KIRREL3: variants seen among roughly 807,000 people sequenced by gnomAD.
KIRREL3 encodes kirre like nephrin family adhesion molecule 3.
A neutral mutation model predicts 89.7 loss-of-function variants in KIRREL3; 36 were observed. The observed-to-expected ratio is 0.40, with a 90% CI of 0.31 to 0.53. The LOEUF (loss-of-function observed/expected upper bound fraction) is 0.53, where lower values mean the gene tolerates loss of function less well. Among genes scored for constraint, KIRREL3 ranks in the 20% least tolerant of loss-of-function variants. The pLI, the probability that KIRREL3 is intolerant of heterozygous loss-of-function variation, is 0.49. For missense variants in KIRREL3, 864 were observed against 1,056.6 expected, an observed-to-expected ratio of 0.82 and a Z score of 2.53; for synonymous variants, 445 against 441.4, an observed-to-expected ratio of 1.01 and a Z score of -0.10.
Position 126,641,263 on chromosome 11 carries a change from C to A in KIRREL3, c.56-78351G>T, listed in dbSNP as rs1436842519. On this transcript the variant is annotated intron_variant, in intron 1 of 16. Coordinates refer to ENST00000525144, the MANE Select transcript of KIRREL3 (RefSeq NM_032531.4). The surrounding 1 kb of genome is among the most constrained non-coding windows in gnomAD (Gnocchi z 5.0). ...ATTATAAACCAACCACCTCTCACCA[C>A]TTCCTCTGCTACTTTCTTGGCCCGA... Among the ~76,000 whole-genome samples the A allele has an allele frequency of 6.6e-6, 1 of 152,166 alleles. No homozygotes were observed. The highest frequency in any genetic ancestry group is 6.5e-5 in the Admixed American group (1 of 15,278).
chr11:126,967,030 C>T (rs1949293090), intron 1 of KIRREL3, among the ~76,000 whole-genome samples: 1 of 152,150 alleles, frequency 6.6e-6, no homozygotes, highest in Non-Finnish European at 1.5e-5. Flanking sequence ...ATCTACCTGC[C>T]TTCTCTGTAA....
rs1327455913 is a variant in KIRREL3 at position 126,764,431 on chromosome 11, G to A, written c.56-201519C>T. On this transcript the variant is annotated intron_variant, in intron 1 of 16. Transcript: ENST00000525144. The surrounding 1 kb of genome is among the most constrained non-coding windows in gnomAD (Gnocchi z 4.2). ...TAGGTGGCAGTGTGGATTCAGGGCT[G>A]TGTGGTTCAAGATCAACTTCGCAGA... 6.6e-6 allele frequency among the ~76,000 whole-genome samples: 1 copy of A among 152,148 alleles called. No homozygotes were observed. The highest frequency in any genetic ancestry group is 1.5e-5 in the Non-Finnish European group (1 of 68,024).
chr11:126,456,039 G>GTTTTTTTGTTTTTTTT (rs1555111017), intron 7 of KIRREL3, among the ~76,000 whole-genome samples: 1 of 68,312 alleles, frequency 1.5e-5, no homozygotes. Flanking sequence ...TTTTGTTTTC[G>GTTTTTTTGTTTTTTTT]TTTTTTTTTT....
intron 1 of KIRREL3, among the ~76,000 whole-genome samples, chr11:126,815,803 G>A (rs1158984647): frequency 6.6e-6 from 1 of 152,104 alleles, no homozygotes; most frequent in Non-Finnish European, 1.5e-5. Flanking sequence ...CCAAAGTGCT[G>A]GGATTACAGG....
intron 1 of KIRREL3, among the ~76,000 whole-genome samples, chr11:126,986,799 C>A (rs562108435): frequency 6.6e-6 from 1 of 152,210 alleles, no homozygotes; most frequent in African/African-American, 2.4e-5. Context: ...GCAGCTCCCA[C>A]GAGTCACCTT....
rs1027661442 is a variant in KIRREL3 at position 126,441,041 on chromosome 11, G to A, written c.1253-492C>T. 6.6e-6 allele frequency among the ~76,000 whole-genome samples: 1 copy of A among 152,206 alleles called. No homozygotes were observed. Among genetic ancestry groups the A allele is most frequent in the African/African-American group, 2.4e-5 (1 of 41,448 alleles). On this transcript the variant is annotated intron_variant, in intron 10 of 16. Transcript: ENST00000525144. The surrounding 1 kb of genome is among the most constrained non-coding windows in gnomAD (Gnocchi z 5.0). ...CGCCCTTGCCTAACAAATGGGAGCT[G>A]CTCGGCCAGACGGGCCAACGGGAAG...
rs1280471711 is a variant in KIRREL3, at chr11:126,697,428, A to G, written c.56-134516T>C. ...GAGGGTAATAGTTCCCAGTTGCCAA[A>G]GCTTTTCCCACAGACCCTGACTCAG... On this transcript the variant is annotated intron_variant, in intron 1 of 16. Transcript: ENST00000525144. The surrounding 1 kb of genome is among the most constrained non-coding windows in gnomAD (Gnocchi z 4.2). 1.3e-5 allele frequency among the ~76,000 whole-genome samples: 2 copies of G among 152,168 alleles called. No individual in the cohort carries two copies. Among genetic ancestry groups the G allele is most frequent in the African/African-American group, 4.8e-5 (2 of 41,430 alleles).
intron 7 of KIRREL3, 121 bp from the exon 8 acceptor site, chr11:126,449,278 T>G (rs1346697320): frequency 1.1e-5 from 12 of 1,094,410 alleles, no homozygotes; most frequent in South Asian, 1.6e-5. Flanking sequence ...GGGAGTCCTC[T>G]GGGGTCCGTC....
At position 126,796,633 on chromosome 11, in the gene KIRREL3, C is replaced by G. The variant is rs1475786563; in HGVS notation, c.55+203822G>C. ...TGCCCTCTTATGTTAAGCATTGCCC[C>G]CAACCCTGCTTTTTATTTATTTTTA... is the stretch of plus-strand genomic sequence containing the variant. On this transcript the variant is annotated intron_variant, in intron 1 of 16. Coordinates refer to ENST00000525144, the MANE Select transcript of KIRREL3 (RefSeq NM_032531.4). This position sits in a 1 kb window ranked among gnomAD's most constrained non-coding sequence, Gnocchi z 5.1. Among the ~76,000 whole-genome samples the G allele has an allele frequency of 6.6e-6, 1 of 152,030 alleles. No individual in the cohort carries two copies. Among genetic ancestry groups the G allele is most frequent in the African/African-American group, 2.4e-5 (1 of 41,390 alleles).
chr11:126,610,377 C>G lies in KIRREL3; in HGVS notation c.56-47465G>C, dbSNP rs1275781433. Among the ~76,000 whole-genome samples, 2 of 152,222 alleles carry G rather than the reference C, an allele frequency of 1.3e-5. No homozygotes were observed. The highest frequency in any genetic ancestry group is 2.4e-5 in the African/African-American group (1 of 41,440). On this transcript the variant is annotated intron_variant, in intron 1 of 16. Transcript: ENST00000525144. The surrounding 1 kb of genome is among the most constrained non-coding windows in gnomAD (Gnocchi z 4.6). ...AAATTGCTGGGATTACAGGCATGAG[C>G]CTGCTTGTCTGAACTGTAAGAGGAT... is the stretch of plus-strand genomic sequence containing the variant.
At chr11:126,863,455 TTGAGTGCGTGTGTGTG>T (rs1357298499) in intron 1 of KIRREL3, among the ~76,000 whole-genome samples, 2 of 37,676 alleles carry the variant, frequency 5.3e-5, no homozygotes, top group Non-Finnish European at 1.0e-4. Flanking sequence ...GTGTGTGTGT[TTGAGTGCGTGTGTGTG>T]TGAGTGCGTG....
rs1947014432 is a variant in KIRREL3, at chr11:126,694,647, T to C, written c.56-131735A>G. On this transcript the variant is annotated intron_variant, in intron 1 of 16. Coordinates refer to ENST00000525144, the MANE Select transcript of KIRREL3 (RefSeq NM_032531.4). This position sits in a 1 kb window ranked among gnomAD's most constrained non-coding sequence, Gnocchi z 4.4. ...ATCAAACTTTAATCTGGCTCTGCTG[T>C]AAGCATTGTGACCTTAGGGCAGGTA... Among the ~76,000 whole-genome samples the C allele has an allele frequency of 2.0e-5, 3 of 152,198 alleles. No individual in the cohort carries two copies. Among genetic ancestry groups the C allele is most frequent in the African/African-American group, 7.2e-5 (3 of 41,432 alleles).
Position 126,748,007 on chromosome 11 carries a change from C to T in KIRREL3, c.56-185095G>A, listed in dbSNP as rs1949210500. Among the ~76,000 whole-genome samples the T allele has an allele frequency of 6.6e-6, 1 of 152,192 alleles. No individual in the cohort carries two copies. Among genetic ancestry groups the T allele is most frequent in the South Asian group, 2.1e-4 (1 of 4,820 alleles). On this transcript the variant is annotated intron_variant, in intron 1 of 16. Coordinates refer to ENST00000525144, the MANE Select transcript of KIRREL3 (RefSeq NM_032531.4). The surrounding 1 kb of genome is among the most constrained non-coding windows in gnomAD (Gnocchi z 4.6). ...ATCTGACCCGTGCCTAGCATCGTGG[C>T]CCCTGTAAAGGGCTCTTCCATTAAT...
chr11:126,849,398 TC>T (rs1944260777), intron 1 of KIRREL3, among the ~76,000 whole-genome samples: 1 of 152,180 alleles, frequency 6.6e-6, no homozygotes, highest in South Asian at 2.1e-4. Context: ...GAATAGCCAT[TC>T]TTTTATTTCT....
At chr11:126,777,057 A>T (rs1950188802) in intron 1 of KIRREL3, among the ~76,000 whole-genome samples, 1 of 152,236 alleles carries the variant, frequency 6.6e-6, no homozygotes, top group Admixed American at 6.5e-5. Context: ...CTGGAACAGC[A>T]TAACCAGTAG....
At chr11:127,001,322 G>T (rs1350682589), upstream of KIRREL3, among the ~76,000 whole-genome samples, 1 of 136,208 alleles carries the variant, frequency 7.3e-6, no homozygotes, top group Non-Finnish European at 1.6e-5. Flanking sequence ...GGTGGGGGGG[G>T]GGGGTAGGTA....
intron 1 of KIRREL3, among the ~76,000 whole-genome samples, chr11:126,974,985 AT>A (rs1465940180): frequency 1.3e-5 from 2 of 151,990 alleles, no homozygotes; most frequent in African/African-American, 4.8e-5. Flanking sequence ...TAATTTTTGT[AT>A]TTTTTGTAGA....
rs1945889458 is a variant in KIRREL3 at position 126,890,808 on chromosome 11, C to G, written c.55+109647G>C. ...AGCGGCCTGCCTGTGCCCAGCGCTG[C>G]CCCAGCATCCTCCCAACCACTGTCC... On this transcript the variant is annotated intron_variant, in intron 1 of 16. Coordinates refer to ENST00000525144, the MANE Select transcript of KIRREL3 (RefSeq NM_032531.4). This position sits in a 1 kb window ranked among gnomAD's most constrained non-coding sequence, Gnocchi z 5.1. Among the ~76,000 whole-genome samples the G allele has an allele frequency of 6.6e-6, 1 of 152,218 alleles. No individual in the cohort carries two copies. Among genetic ancestry groups the G allele is most frequent in the African/African-American group, 2.4e-5 (1 of 41,448 alleles).
chr11:126,533,993 A>G (rs1959023131), intron 2 of KIRREL3, among the ~76,000 whole-genome samples: 3 of 152,082 alleles, frequency 2.0e-5, no homozygotes, highest in African/African-American at 2.4e-5. Context: ...GTGGCTCTCT[A>G]TTGGTGTGAA....
Sources: gnomAD v4.1 joint callset for allele counts (sites outside exome capture counted in the v4.1 genomes callset) on GRCh38, gnomAD v4.1.1 for gene constraint, Gnocchi (gnomAD v3.1) non-coding constraint, MANE v1.5 for transcripts, NCBI Gene and HGNC (gene_info 2026-07-23, HGNC 2026-07-21) for gene names.